Variants in PIGZ observed in about 807,000 individuals in gnomAD.
PIGZ encodes GPI alpha-1,2-mannosyltransferase 4.
A neutral mutation model predicts 16.4 loss-of-function variants in PIGZ; 16 were observed. That is an observed-to-expected ratio of 0.97 (90% CI 0.66 to 1.48). PIGZ has a LOEUF of 1.48. PIGZ is among the 40% of genes most tolerant of loss of function. The pLI is 0.00. For synonymous variants in PIGZ, 409 were observed against 338.4 expected (o/e 1.21, Z -2.29); for missense variants, 770 against 739.2 (o/e 1.04, Z -0.48).
Position 196,948,482 on chromosome 3 carries a change from C to T in PIGZ, c.415G>A (p.Ala139Thr). Residue 139 changes from alanine (A) to threonine (T), a missense_variant, in exon 3 of 3, where the codon GCT becomes ACT. Transcript: ENST00000412723. ...PRLLLTALSFALDGAVYHLAP... is the reference protein window; with the variant it reads ...PRLLLTALSFTLDGAVYHLAP... ...AGGTGGTACACGGCCCCGTCCAGAG[C>T]AAAGGAAAGGGCAGTGAGGAGGAGT... 1 of 1,613,752 alleles carries T rather than the reference C, an allele frequency of 6.2e-7. No individual in the cohort carries two copies. The highest frequency in any genetic ancestry group is 8.5e-7 in the Non-Finnish European group (1 of 1,179,892).
rs750173089 is a variant in PIGZ at position 196,948,558 on chromosome 3, C to T, written c.339G>A (p.Leu113=). Residue 113 remains leucine, a synonymous_variant, in exon 3 of 3, where the codon CTG becomes CTA. Transcript: ENST00000412723. ...TFWLLRLWEE[L]GPWPGLVSGY... is the part of the protein sequence containing the mutation. ...CGCTCACCAGGCCAGGCCACGGCCC[C>T]AGCTCCTCCCAGAGCCTGAGCAGCC... 54 of 1,599,438 alleles carry T rather than the reference C, an allele frequency of 3.4e-5. No individual in the cohort carries two copies. Among genetic ancestry groups the T allele is most frequent in the Non-Finnish European group, 4.6e-5 (54 of 1,173,468 alleles).
chr3:196,947,517 G>A lies in PIGZ; in HGVS notation c.1380C>T (p.Leu460=), dbSNP rs1716950454. 1.2e-6 allele frequency: 2 copies of A among 1,613,754 alleles called. No homozygotes were observed. Among genetic ancestry groups the A allele is most frequent in the Non-Finnish European group, 1.7e-6 (2 of 1,180,014 alleles). Residue 460 remains leucine (L), a synonymous_variant, in exon 3 of 3, where the codon CTC becomes CTT. Coordinates refer to ENST00000412723, the MANE Select transcript of PIGZ (RefSeq NM_025163.4). ...GGGGCATGTAGGTGTGAGTGAAGAG[G>A]AGTGTGTAGTGGGTGGGTGTGCTTG... ...VLPSTPTHYT[L]LFTHTYMPPR...
At chr3:196,964,314 G>T (rs1484901163) in intron 1 of PIGZ, among the ~76,000 whole-genome samples, 3 of 152,112 alleles carry the variant, frequency 2.0e-5, no homozygotes, top group Non-Finnish European at 2.9e-5. Context: ...CTCCCAAAGT[G>T]CTGGGATTAC....
At chr3:196,959,725 G>A (rs1198425107) in intron 1 of PIGZ, among the ~76,000 whole-genome samples, 1 of 152,078 alleles carries the variant, frequency 6.6e-6, no homozygotes, top group Admixed American at 6.5e-5. Flanking sequence ...TTAGAGAGGG[G>A]GCTCTCGCCT....
rs764514583 is a variant in PIGZ at position 196,965,908 on chromosome 3, C to T, written c.-1+2779G>A. 1.2e-4 allele frequency among the ~76,000 whole-genome samples: 18 copies of T among 152,142 alleles called. No individual in the cohort carries two copies. The highest frequency in any genetic ancestry group is 3.1e-4 in the African/African-American group (13 of 41,430). ...CTCACTGCATCCTTCCTTCTGACTGCGGCAGAGACAGGCCGAATCACTCCC... is the reference window on the plus strand; with the variant it reads ...CTCACTGCATCCTTCCTTCTGACTGTGGCAGAGACAGGCCGAATCACTCCC... On this transcript the variant is annotated intron_variant, in intron 1 of 2. Coordinates refer to ENST00000412723, the MANE Select transcript of PIGZ (RefSeq NM_025163.4). The surrounding 1 kb of genome is among the most constrained non-coding windows in gnomAD (Gnocchi z 4.2).
At chr3:196,961,107 C>G (rs953810991) in intron 1 of PIGZ, among the ~76,000 whole-genome samples, 2 of 152,176 alleles carry the variant, frequency 1.3e-5, no homozygotes, top group Non-Finnish European at 2.9e-5. Flanking sequence ...GTATTCCATG[C>G]TCATTCACCG....
intron 1 of PIGZ, among the ~76,000 whole-genome samples, chr3:196,953,340 T>C (rs138386881): frequency 1.4e-3 from 217 of 152,230 alleles, no homozygotes; most frequent in Non-Finnish European, 2.3e-3. Context: ...TTCTGAAAAC[T>C]TGGGAAAGTC....
intron 1 of PIGZ, among the ~76,000 whole-genome samples, chr3:196,962,419 T>C: frequency 6.6e-6 from 1 of 152,118 alleles, no homozygotes; most frequent in Non-Finnish European, 1.5e-5. Context: ...TGTGGCCTCG[T>C]TGGAAGGGAA....
At chr3:196,955,002 T>G (rs954812785) in intron 1 of PIGZ, among the ~76,000 whole-genome samples, 2 of 152,184 alleles carry the variant, frequency 1.3e-5, no homozygotes, top group Admixed American at 1.3e-4. Flanking sequence ...CATGGCTTAC[T>G]GTAGCCTCGA....
intron 1 of PIGZ, among the ~76,000 whole-genome samples, chr3:196,967,305 G>C (rs1342042943): frequency 3.3e-5 from 5 of 152,192 alleles, no homozygotes; most frequent in African/African-American, 1.2e-4. Flanking sequence ...CTGCTCCAGG[G>C]ACAGCCGTGA....
chr3:196,954,906 G>C (rs1396089550), intron 1 of PIGZ, among the ~76,000 whole-genome samples: 1 of 151,986 alleles, frequency 6.6e-6, no homozygotes, highest in African/African-American at 2.4e-5. Flanking sequence ...ATTAGATCAA[G>C]CTTATTAGTT....
intron 1 of PIGZ, among the ~76,000 whole-genome samples, chr3:196,962,611 C>T (rs185634288): frequency 1.6e-4 from 24 of 151,134 alleles, no homozygotes; most frequent in African/African-American, 5.6e-4. Flanking sequence ...AGGAGAAAAC[C>T]GCCCTATGGC....
chr3:196,968,471 C>A (rs886095968), intron 1 of PIGZ, among the ~76,000 whole-genome samples: 4 of 152,258 alleles, frequency 2.6e-5, no homozygotes, highest in African/African-American at 9.6e-5. Context: ...CCCCCTAGGT[C>A]CGGGGCGGGT....
Position 196,950,760 on chromosome 3 carries a change from T to TG in PIGZ, c.211+1060_211+1061insC, listed in dbSNP as rs1382198046. On this transcript the variant is annotated intron_variant, in intron 2 of 2. Coordinates refer to ENST00000412723, the MANE Select transcript of PIGZ (RefSeq NM_025163.4). ...TTCATTAGACTTTTTTTTTTCTTTTTTTGAGATGGAGTCTCGCTCTGTTGC... is the reference window on the plus strand; with the variant it reads ...TTCATTAGACTTTTTTTTTTCTTTTTGTTGAGATGGAGTCTCGCTCTGTTGC... 2.0e-5 allele frequency among the ~76,000 whole-genome samples: 3 copies of TG among 152,004 alleles called. No individual in the cohort carries two copies. In the East Asian group the frequency reaches 5.8e-4, roughly 29 times the overall value.
At position 196,948,587 on chromosome 3, in the gene PIGZ, AG is replaced by A; in HGVS notation, c.309del (p.Phe104SerfsTer17). The stretch of plus-strand genomic sequence containing the variant: ...TCCTCCCAGAGCCTGAGCAGCCAGA[AG>A]GTGGAACCAGAGATCAGCAGGGGGA... ...VLFPLLISGSTFWLLRLWEEL... is the reference protein window; with the variant it reads ...VLFPLLISGSXFWLLRLWEEL... On this transcript the variant is annotated frameshift_variant, in exon 3 of 3. Transcript: ENST00000412723. LOFTEE classifies it low-confidence loss of function (END_TRUNC). 6.3e-7 allele frequency: 1 copy of A among 1,580,926 alleles called. No individual in the cohort carries two copies. Among genetic ancestry groups the A allele is most frequent in the South Asian group, 1.1e-5 (1 of 87,490 alleles).
In PIGZ at chr3:196,968,743, C is replaced by G. The variant is rs1577905209; in HGVS notation, c.-57G>C. On this transcript the variant is annotated 5_prime_UTR_variant, in exon 1 of 3. Coordinates refer to ENST00000412723, the MANE Select transcript of PIGZ (RefSeq NM_025163.4). ...TGGCGGCGTCCTGCCCGGCGAGGGC[C>G]AGGGTCCCAGGAGGCCCCGGAGGCG... The G allele has an allele frequency of 2.0e-5, 3 of 151,962 alleles. No individual in the cohort carries two copies. The highest frequency in any genetic ancestry group is 2.0e-4 in the Admixed American group (3 of 15,268). The allele number at this position is 151,962 out of a possible 1,614,324, so 9.4% of individuals were successfully genotyped here.
At chr3:196,949,640 G>A (rs574985198) in intron 2 of PIGZ, among the ~76,000 whole-genome samples, 19 of 152,356 alleles carry the variant, frequency 1.2e-4, no homozygotes, top group Non-Finnish European at 2.6e-4. Flanking sequence ...GACGGGTGCA[G>A]TTTGAGCTGC....
intron 1 of PIGZ, among the ~76,000 whole-genome samples, chr3:196,958,729 A>G (rs1717598310): frequency 1.3e-5 from 2 of 152,228 alleles, no homozygotes; most frequent in Admixed American, 1.3e-4. Flanking sequence ...GTTTATTCTT[A>G]TATATCTACA....
intron 1 of PIGZ, among the ~76,000 whole-genome samples, chr3:196,961,828 C>A (rs1717733669): frequency 6.6e-6 from 1 of 152,060 alleles, no homozygotes; most frequent in Non-Finnish European, 1.5e-5. Flanking sequence ...TTAAAGTGTA[C>A]AATTCAATGG....
Sources: allele counts gnomAD v4.1 joint callset (sites outside exome capture counted in the v4.1 genomes callset), GRCh38; gene constraint gnomAD v4.1.1; non-coding constraint Gnocchi (gnomAD v3.1); transcripts MANE v1.5; gene names NCBI Gene and HGNC (gene_info 2026-07-23, HGNC 2026-07-21).